The following VWA8 variants were observed in gnomAD, a reference collection of about 807,000 sequenced individuals.
The protein encoded by VWA8 is von Willebrand factor A domain-containing protein 8.
Under a neutral mutation model 241.5 loss-of-function variants are expected in VWA8, and 221 were observed. The ratio of observed to expected loss-of-function variants is 0.91; its 90% CI spans 0.82 to 1.02. The LOEUF (loss-of-function observed/expected upper bound fraction) is 1.02, where lower values mean the gene tolerates loss of function less well. VWA8 is among the 50% of genes least tolerant of loss of function. VWA8 has a pLI of 0.00. For synonymous variants in VWA8, 852 were observed against 827.1 expected, an observed-to-expected ratio of 1.03 and a Z score of -0.52; for missense variants, 2,322 against 2,328.7, an observed-to-expected ratio of 1.00 and a Z score of 0.06.
At chr13:41,583,122 A>G (rs2044394224) in intron 42 of VWA8, among the ~76,000 whole-genome samples, 1 of 152,182 alleles carries the variant, frequency 6.6e-6, no homozygotes, top group Non-Finnish European at 1.5e-5. Context: ...TACAGAATGT[A>G]AGGAGCTCCA....
At position 41,745,530 on chromosome 13, in the gene VWA8, A is replaced by G. The variant is rs980390119; in HGVS notation, c.2427-13375T>C. Among the ~76,000 whole-genome samples, 42 of 152,320 alleles carry G rather than the reference A, an allele frequency of 2.8e-4. 1 individual carries two copies. Among genetic ancestry groups the G allele is most frequent in the African/African-American group, 1.0e-3 (42 of 41,562 alleles). On this transcript the variant is annotated intron_variant, in intron 21 of 44. Transcript: ENST00000379310. ...TTACAAGAAAAAATCAAACAACCCT[A>G]TCAAAAAGTGGGCAAAGGATATGAA... is the stretch of plus-strand genomic sequence containing the variant.
chr13:41,611,620 G>C lies in VWA8; in HGVS notation c.4833C>G (p.Val1611=), dbSNP rs374731410. 3.5e-5 allele frequency: 56 copies of C among 1,614,112 alleles called. No homozygotes were observed. In the East Asian group the frequency reaches 1.1e-3, roughly 31 times the overall value. ...QAEKDAVPEE[V]KRAAREMGQR... ...GGCCCATCTCTCTAGCAGCTCTCTT[G>C]ACCTCTTCGGGAACTGCATCTTTCT... Residue 1611 remains valine, a synonymous_variant, in exon 39 of 45, where the codon GTC becomes GTG. Transcript: ENST00000379310.
At chr13:41,714,605 C>T (rs540160568) in intron 26 of VWA8, among the ~76,000 whole-genome samples, 148 of 151,940 alleles carry the variant, frequency 9.7e-4, no homozygotes, top group Non-Finnish European at 1.8e-3. Flanking sequence ...GGTAGTCATA[C>T]AAAGTTTTCT....
intron 37 of VWA8, among the ~76,000 whole-genome samples, chr13:41,632,385 T>C (rs2044732183): frequency 6.6e-6 from 1 of 152,140 alleles, no homozygotes; most frequent in Non-Finnish European, 1.5e-5. Context: ...AGACAAGCCA[T>C]TATTACCATG....
At chr13:41,955,008 A>G (rs1300565257) in intron 1 of VWA8, among the ~76,000 whole-genome samples, 1 of 152,192 alleles carries the variant, frequency 6.6e-6, no homozygotes, top group African/African-American at 2.4e-5. Context: ...TTTAATCATC[A>G]TTTTATCCCC....
At chr13:41,958,543 T>C (rs191452553) in intron 1 of VWA8, among the ~76,000 whole-genome samples, 18 of 152,368 alleles carry the variant, frequency 1.2e-4, no homozygotes, top group African/African-American at 4.1e-4. Context: ...TAATCCATTA[T>C]GGCCTATTGC....
At chr13:41,899,985 G>A (rs2324823) in intron 4 of VWA8, among the ~76,000 whole-genome samples, 49,298 of 151,986 alleles carry the variant, frequency 0.32, 8,122 homozygotes, top group East Asian at 0.43. Flanking sequence ...TTAGCTCTAC[G>A]AAGGATGAGA....
intron 4 of VWA8, among the ~76,000 whole-genome samples, chr13:41,905,463 AT>A (rs1875664166): frequency 6.6e-6 from 1 of 152,090 alleles, no homozygotes; most frequent in Non-Finnish European, 1.5e-5. Flanking sequence ...TGATAATTCT[AT>A]TCTTTGTTTT....
intron 37 of VWA8, among the ~76,000 whole-genome samples, chr13:41,657,902 G>T (rs1212393329): frequency 6.6e-6 from 1 of 152,250 alleles, no homozygotes. Flanking sequence ...GAGCATAAAG[G>T]TCTTGTCCTA....
chr13:41,654,692 C>T (rs528788061), intron 37 of VWA8, among the ~76,000 whole-genome samples: 2 of 152,278 alleles, frequency 1.3e-5, no homozygotes, highest in Admixed American at 6.5e-5. Context: ...ACTGGGGACT[C>T]CTGATCTAAC....
rs568177126 is a variant in VWA8, at chr13:41,567,180, C to T, written c.*1017G>A. ...AGCTTATTGATAAAATAAAGGTCAG[C>T]CCAAGAGTGTGTGGGAATAAGGTAC... On this transcript the variant is annotated 3_prime_UTR_variant, in exon 45 of 45. Transcript: ENST00000379310. The T allele has an allele frequency of 6.6e-6, 1 of 152,100 alleles. No homozygotes were observed. Among genetic ancestry groups the T allele is most frequent in the African/African-American group, 2.4e-5 (1 of 41,522 alleles). The allele number at this position is 152,100 out of a possible 1,614,324, so 9.4% of individuals were successfully genotyped here.
rs371195340 is a variant in VWA8 at position 41,605,212 on chromosome 13, G to A, written c.4942C>T (p.Arg1648Trp). 5.4e-5 allele frequency: 87 copies of A among 1,613,014 alleles called. No individual in the cohort carries two copies. The highest frequency in any genetic ancestry group is 1.1e-4 in the East Asian group (5 of 44,876). ...ATTCGGAGGGAGTGCACCTGTCGCC[G>A]AACAGCACCTGAAAACCTTTCATAG... ...ATYERFSGAV[R>W]RQVHSLRIIL... Residue 1648 changes from arginine to tryptophan, a missense_variant, in exon 40 of 45, where the codon CGG becomes TGG. By Grantham distance (101) the Arg-to-Trp change is moderately radical (BLOSUM62 -3). Coordinates refer to ENST00000379310, the MANE Select transcript of VWA8 (RefSeq NM_015058.2).
intron 26 of VWA8, among the ~76,000 whole-genome samples, chr13:41,711,585 A>C (rs1314514270): frequency 6.6e-6 from 1 of 152,190 alleles, no homozygotes; most frequent in Non-Finnish European, 1.5e-5. Flanking sequence ...TTTATAAAAG[A>C]AATTTCAGGC....
At chr13:41,773,616 A>G (rs939164684) in intron 20 of VWA8, among the ~76,000 whole-genome samples, 1 of 152,214 alleles carries the variant, frequency 6.6e-6, no homozygotes, top group Non-Finnish European at 1.5e-5. Context: ...AGCAGCTAAG[A>G]GTCTAACCAT....
chr13:41,942,396 A>T (rs1250730401), intron 2 of VWA8, among the ~76,000 whole-genome samples: 2 of 152,240 alleles, frequency 1.3e-5, no homozygotes, highest in Non-Finnish European at 2.9e-5. Flanking sequence ...AGAAGCCTAC[A>T]TGAACTAAAT....
chr13:41,894,068 T>C (rs185937300), intron 4 of VWA8, among the ~76,000 whole-genome samples: 1 of 152,356 alleles, frequency 6.6e-6, no homozygotes, highest in Admixed American at 6.5e-5. Flanking sequence ...AGACTAAATA[T>C]TGCATTTGAC....
Position 41,727,240 on chromosome 13 carries a change from A to G in VWA8, c.2712T>C (p.Asn904=), listed in dbSNP as rs746554961. ...HPDFRMIVLA[N]RPGFPFLGND... is the part of the protein sequence containing the mutation. Reference sequence around the variant, plus strand: ...TGCCTAGGAAAGGAAATCCAGGTCTATTTGCCAGAACAATCATCCTAAAAT... The same window carrying G: ...TGCCTAGGAAAGGAAATCCAGGTCTGTTTGCCAGAACAATCATCCTAAAAT... The change falls in exon 24 of 45, where the codon AAT becomes AAC. Residue 904 remains asparagine (N), a synonymous_variant. Transcript: ENST00000379310. The G allele has an allele frequency of 1.5e-5, 23 of 1,551,710 alleles. No individual in the cohort carries two copies. The highest frequency in any genetic ancestry group is 9.8e-5 in the East Asian group (4 of 40,968).
At chr13:41,931,759 T>C (rs2138141455) in intron 2 of VWA8, among the ~76,000 whole-genome samples, 1 of 152,138 alleles carries the variant, frequency 6.6e-6, no homozygotes, top group South Asian at 2.1e-4. Context: ...TTACAAAGCT[T>C]TTTGAACTGA....
At chr13:41,661,985 T>A (rs1048360105) in intron 37 of VWA8, among the ~76,000 whole-genome samples, 10 of 152,210 alleles carry the variant, frequency 6.6e-5, no homozygotes, top group African/African-American at 2.4e-4. Flanking sequence ...GGACAGTCTA[T>A]TCTGTTTCAT....
Sources: allele counts gnomAD v4.1 joint callset (sites outside exome capture counted in the v4.1 genomes callset), GRCh38; gene constraint gnomAD v4.1.1; transcripts MANE v1.5; gene names NCBI Gene and HGNC (gene_info 2026-07-23, HGNC 2026-07-21).